The following PROM1 variants were observed in gnomAD, a reference collection of about 807,000 sequenced individuals.
PROM1 encodes the protein prominin-1.
A neutral mutation model predicts 116.9 loss-of-function variants in PROM1; 105 were observed. The ratio of observed to expected loss-of-function variants is 0.90; its 90% CI spans 0.77 to 1.06. The LOEUF is 1.06. PROM1 is among the 50% of genes least tolerant of loss of function. The probability of loss-of-function intolerance (pLI) is 0.00; values close to 1 mark genes in which losing one functional copy is unlikely to be tolerated. For synonymous variants in PROM1, 393 were observed against 387.0 expected (o/e 1.02, Z -0.18); for missense variants, 1,122 against 1,045.2 (o/e 1.07, Z -1.01).
chr4:15,985,830 T>C lies in PROM1; in HGVS notation c.2212-2A>G. 1 of 1,027,164 alleles carries C rather than the reference T, an allele frequency of 9.7e-7. No individual in the cohort carries two copies. The highest frequency in any genetic ancestry group is 2.0e-5 in the South Asian group (1 of 50,450). 63.6% of individuals were successfully genotyped at this position (1,027,164 alleles called of 1,614,324 possible). A position where few individuals can be genotyped will look rare whatever the true frequency, so the allele number is the denominator to read the frequency against. On this transcript the variant is annotated splice_acceptor_variant, in intron 21 of 27. Coordinates refer to ENST00000447510, the MANE Select transcript of PROM1 (RefSeq NM_006017.3). LOFTEE classifies it high-confidence loss of function. ...TGTTCTCCCATACTTCTTAGTTTCC[T>C]GGAAAGAAACAAAAGATGAGTAGAA...
intron 23 of PROM1, among the ~76,000 whole-genome samples, chr4:15,980,904 T>C (rs1252293082): frequency 2.0e-5 from 3 of 152,092 alleles, no homozygotes; most frequent in African/African-American, 7.2e-5. Context: ...AATCAGAGCA[T>C]GGATGGCCAG....
chr4:16,032,148 A>C (rs1331027452), intron 5 of PROM1, among the ~76,000 whole-genome samples: 2 of 115,796 alleles, frequency 1.7e-5, no homozygotes, highest in African/African-American at 7.9e-5. Context: ...CTCCTTCCTG[A>C]TCTTTTTTTT....
At chr4:15,986,384 C>T (rs1307574295) in intron 20 of PROM1, among the ~76,000 whole-genome samples, 1 of 151,984 alleles carries the variant, frequency 6.6e-6, no homozygotes, top group African/African-American at 2.4e-5. Context: ...GGGAAACATA[C>T]GACAATGCTG....
chr4:16,015,045 G>T (rs1727936319), intron 10 of PROM1, among the ~76,000 whole-genome samples: 1 of 150,562 alleles, frequency 6.6e-6, no homozygotes, highest in South Asian at 2.1e-4. Flanking sequence ...GGAAAGGTCT[G>T]TTAAGAAGGT....
intron 12 of PROM1, 40 bp downstream of exon 12, chr4:16,008,909 G>T: frequency 6.6e-7 from 1 of 1,510,038 alleles, no homozygotes; most frequent in Non-Finnish European, 9.1e-7. Flanking sequence ...TCTCTACAAA[G>T]TTCACTCTCG....
chr4:16,082,515 C>G (rs1745229155), intron 1 of PROM1: 1 of 152,298 alleles, frequency 6.6e-6, no homozygotes, highest in Admixed American at 6.5e-5. Context: ...GCTTCCCCGC[C>G]CTTTACCTCC....
intron 1 of PROM1, chr4:16,082,058 G>A (rs1745146837): frequency 6.6e-6 from 1 of 152,172 alleles, no homozygotes; most frequent in Non-Finnish European, 1.5e-5. Context: ...TGTCAAAGGA[G>A]GATTTCGCAT....
chr4:15,998,255 A>T, intron 15 of PROM1, 130 bp downstream of exon 15: 1 of 1,331,176 alleles, frequency 7.5e-7, no homozygotes, highest in Non-Finnish European at 9.9e-7. Context: ...TCTTTAAAAT[A>T]ATACAGGACA....
At chr4:16,055,388 C>G (rs1451751508) in intron 2 of PROM1, 1 of 456,214 alleles carries the variant, frequency 2.2e-6, no homozygotes, top group Non-Finnish European at 4.4e-6. Context: ...CCTACCAGCT[C>G]TCATTTGGCT....
At chr4:16,034,325 G>C (rs1474910344) in intron 4 of PROM1, among the ~76,000 whole-genome samples, 2 of 152,100 alleles carry the variant, frequency 1.3e-5, no homozygotes, top group African/African-American at 4.8e-5. Context: ...TGATACACTG[G>C]AAATAATAAT....
chr4:16,000,463 G>T, intron 14 of PROM1, 33 bp downstream of exon 14: 1 of 1,523,196 alleles, frequency 6.6e-7, no homozygotes, highest in Non-Finnish European at 9.0e-7. Context: ...TTCTGTTCAA[G>T]TCCTTTCATA....
chr4:15,979,603 T>C (rs1717237991), intron 25 of PROM1, 140 bp from the exon 26 acceptor site: 5 of 1,343,986 alleles, frequency 3.7e-6, no homozygotes, highest in Admixed American at 3.2e-5. Context: ...AAATGAGTAA[T>C]TGACATTTTG....
intron 2 of PROM1, among the ~76,000 whole-genome samples, chr4:16,068,645 T>C (rs1449281160): frequency 6.6e-6 from 1 of 152,218 alleles, no homozygotes; most frequent in Non-Finnish European, 1.5e-5. Flanking sequence ...TGGAATAAAG[T>C]GTCGCTCAAT....
intron 27 of PROM1, among the ~76,000 whole-genome samples, chr4:15,970,435 A>G (rs1267806897): frequency 6.6e-6 from 1 of 151,934 alleles, no homozygotes; most frequent in East Asian, 1.9e-4. Flanking sequence ...GGCCTCCCAT[A>G]GTGCTGGGAT....
chr4:16,071,758 A>G (rs1410078740), intron 2 of PROM1, among the ~76,000 whole-genome samples: 1 of 152,174 alleles, frequency 6.6e-6, no homozygotes, highest in Non-Finnish European at 1.5e-5. Context: ...TCTGAGAAAT[A>G]AATGCCTGTT....
At chr4:15,977,729 G>C (rs1403663902) in intron 26 of PROM1, among the ~76,000 whole-genome samples, 1 of 152,116 alleles carries the variant, frequency 6.6e-6, no homozygotes, top group African/African-American at 2.4e-5. Flanking sequence ...CTCCCAAGTA[G>C]CAGGGACTAC....
At chr4:16,047,391 G>A (rs1412157954) in intron 2 of PROM1, among the ~76,000 whole-genome samples, 1 of 152,034 alleles carries the variant, frequency 6.6e-6, no homozygotes, top group African/African-American at 2.4e-5. Flanking sequence ...TTTCAGTAGG[G>A]ATGGGATTTC....
At position 15,980,496 on chromosome 4, in the gene PROM1, TA is replaced by T; in HGVS notation, c.2414del (p.Leu805TyrfsTer5). 1 of 1,553,730 alleles carries T rather than the reference TA, an allele frequency of 6.4e-7. No individual in the cohort carries two copies. Among genetic ancestry groups the T allele is most frequent in the Non-Finnish European group, 8.7e-7 (1 of 1,148,312 alleles). On this transcript the variant is annotated frameshift_variant, in exon 24 of 28. Coordinates refer to ENST00000447510, the MANE Select transcript of PROM1 (RefSeq NM_006017.3). LOFTEE classifies it high-confidence loss of function. ...TTACCGCAAAAATTAGAGCCGGAAG[TA>T]AAAATACAGTAGCTTTTCCTATGCC... ...WFGIGKATVF[L>X]LPALIFAVKL... is the part of the protein sequence containing the mutation.
intron 2 of PROM1, among the ~76,000 whole-genome samples, chr4:16,051,974 C>T (rs184857721): frequency 2.6e-5 from 4 of 152,190 alleles, no homozygotes; most frequent in Admixed American, 2.0e-4. Context: ...ATATAATGTC[C>T]GAAAACAAAA....
Sources: allele counts gnomAD v4.1 joint callset (sites outside exome capture counted in the v4.1 genomes callset), GRCh38; gene constraint gnomAD v4.1.1; transcripts MANE v1.5; gene names NCBI Gene and HGNC (gene_info 2026-07-23, HGNC 2026-07-21).